Variants in RBFOX1 observed in about 807,000 individuals in gnomAD.
The protein encoded by RBFOX1 is RNA binding protein fox-1 homolog 1.
Under a neutral mutation model 57.7 loss-of-function variants are expected in RBFOX1, and 8 were observed. The ratio of observed to expected loss-of-function variants is 0.14; its 90% CI spans 0.08 to 0.25. The LOEUF (loss-of-function observed/expected upper bound fraction) is 0.25. RBFOX1 is among the 10% of genes least tolerant of loss of function. The pLI, the probability that RBFOX1 is intolerant of heterozygous loss-of-function variation, is 1.00. For synonymous variants in RBFOX1, 326 were observed against 222.4 expected (o/e 1.47, Z -4.15); for missense variants, 611 against 548.5 (o/e 1.11, Z -1.14).
chr16:6,654,545 A>G, intron 2 of RBFOX1, 58 bp from the exon 3 acceptor site: 1 of 1,347,318 alleles, frequency 7.4e-7, no homozygotes, highest in South Asian at 1.4e-5. Flanking sequence ...ATGTTCTCTG[A>G]CCATAAGTCT....
At chr16:7,026,678 T>A (rs979830644) in intron 3 of RBFOX1, among the ~76,000 whole-genome samples, 1 of 152,192 alleles carries the variant, frequency 6.6e-6, no homozygotes, top group African/African-American at 2.4e-5. Flanking sequence ...ACTGTCCCTG[T>A]ACCTCTCAGG....
At chr16:7,668,679 C>G (rs1341215179) in intron 13 of RBFOX1, among the ~76,000 whole-genome samples, 2 of 151,922 alleles carry the variant, frequency 1.3e-5, no homozygotes, top group Non-Finnish European at 2.9e-5. Context: ...CACACACACA[C>G]ACTTTTGTAT....
chr16:7,685,138 G>A lies in RBFOX1; in HGVS notation c.995+8300G>A, dbSNP rs1403396991. 1.3e-5 allele frequency among the ~76,000 whole-genome samples: 2 copies of A among 152,062 alleles called. 1 individual carries two copies. The highest frequency in any genetic ancestry group is 2.9e-5 in the Non-Finnish European group (2 of 67,970). On this transcript the variant is annotated intron_variant, in intron 14 of 15. Coordinates refer to ENST00000550418, the MANE Select transcript of RBFOX1 (RefSeq NM_018723.4). ...CAGAAGCTGCACTTCCCAGACTCCAGAATGACTAGTGAAGTTTGAGAAGCC... is the reference window on the plus strand; with the variant it reads ...CAGAAGCTGCACTTCCCAGACTCCAAAATGACTAGTGAAGTTTGAGAAGCC...
chr16:6,696,521 G>C (rs2154137812), intron 3 of RBFOX1, among the ~76,000 whole-genome samples: 1 of 152,242 alleles, frequency 6.6e-6, no homozygotes, highest in East Asian at 1.9e-4. Context: ...AGCCGAATTA[G>C]ATGGAGAACT....
At chr16:6,244,635 G>T (rs1344238871) in intron 1 of RBFOX1, among the ~76,000 whole-genome samples, 1 of 152,100 alleles carries the variant, frequency 6.6e-6, no homozygotes, top group Admixed American at 6.6e-5. Context: ...TCAGCCTCCC[G>T]AGTAGCTGGG....
At chr16:6,388,721 C>G (rs1567173816) in intron 2 of RBFOX1, among the ~76,000 whole-genome samples, 1 of 152,068 alleles carries the variant, frequency 6.6e-6, no homozygotes. Context: ...GCTTGGATGA[C>G]AGAGCGAGAT....
At chr16:5,853,084 A>G (rs954398618) in intron 3 of RBFOX1, among the ~76,000 whole-genome samples, 1 of 152,090 alleles carries the variant, frequency 6.6e-6, no homozygotes, top group African/African-American at 2.4e-5. Flanking sequence ...AAAAGAGACT[A>G]TGGATATTGG....
Position 5,370,906 on chromosome 16 carries a change from A to G in RBFOX1, c.220-96310A>G, listed in dbSNP as rs1440340192. 3.9e-5 allele frequency among the ~76,000 whole-genome samples: 6 copies of G among 152,318 alleles called. No individual in the cohort carries two copies. The South Asian group carries it at 8.3e-4, about 21-fold the overall frequency. On this transcript the variant is annotated intron_variant, in intron 1 of 2. Coordinates refer to the RBFOX1 transcript ENST00000585867. ...GTTTCCCTGTTGTTATGAACTGAGCAGTGTCCATTTCCCAAATTCACATGT... is the reference window on the plus strand; with the variant it reads ...GTTTCCCTGTTGTTATGAACTGAGCGGTGTCCATTTCCCAAATTCACATGT...
chr16:6,069,012 TA>T (rs1030072118), intron 1 of RBFOX1, among the ~76,000 whole-genome samples: 75 of 149,662 alleles, frequency 5.0e-4, no homozygotes, highest in African/African-American at 1.8e-3. Context: ...AACATATTTA[TA>T]AAAAAAAGAA....
intron 3 of RBFOX1, among the ~76,000 whole-genome samples, chr16:5,704,494 C>A (rs1400598160): frequency 6.6e-6 from 1 of 152,130 alleles, no homozygotes; most frequent in East Asian, 1.9e-4. Flanking sequence ...CAACCAGGCC[C>A]AGCTACTTTG....
chr16:6,554,274 A>G (rs576210986), intron 2 of RBFOX1, among the ~76,000 whole-genome samples: 5 of 152,256 alleles, frequency 3.3e-5, no homozygotes, highest in South Asian at 4.1e-4. Flanking sequence ...GAAATAAACA[A>G]TCTTCTTTCA....
chr16:6,600,120 C>A (rs1471787544), intron 2 of RBFOX1, among the ~76,000 whole-genome samples: 1 of 152,154 alleles, frequency 6.6e-6, no homozygotes, highest in Non-Finnish European at 1.5e-5. Context: ...TTTCTCACTT[C>A]CCTTACCAGA....
chr16:7,557,931 C>T (rs370699914), intron 5 of RBFOX1, among the ~76,000 whole-genome samples: 8 of 152,160 alleles, frequency 5.3e-5, no homozygotes, highest in East Asian at 1.9e-4. Flanking sequence ...AGAAGTGGAC[C>T]ATCACGCAGT....
chr16:6,095,714 A>G (rs1386170732), intron 1 of RBFOX1, among the ~76,000 whole-genome samples: 1 of 152,184 alleles, frequency 6.6e-6, no homozygotes, highest in East Asian at 1.9e-4. Context: ...AAAAAGAAAA[A>G]AAAAAAAAGA....
At chr16:6,518,067 A>G (rs1379504921) in intron 2 of RBFOX1, among the ~76,000 whole-genome samples, 1 of 151,920 alleles carries the variant, frequency 6.6e-6, no homozygotes, top group Admixed American at 6.6e-5. Context: ...CAAGTTGGAG[A>G]TTTTCCTTTT....
chr16:6,431,201 T>C (rs1206081551), intron 2 of RBFOX1, among the ~76,000 whole-genome samples: 3 of 151,904 alleles, frequency 2.0e-5, no homozygotes, highest in East Asian at 2.0e-4. Context: ...GTGATTGCAC[T>C]AAGTTAGGGG....
At chr16:6,483,306 C>T (rs2153100399) in intron 2 of RBFOX1, 1 of 1,404,364 alleles carries the variant, frequency 7.1e-7, no homozygotes, top group Non-Finnish European at 9.2e-7. Context: ...GCTCTCGCGC[C>T]CGCGCGCTCG....
chr16:6,752,957 G>A (rs750236352), intron 3 of RBFOX1, among the ~76,000 whole-genome samples: 1 of 151,914 alleles, frequency 6.6e-6, no homozygotes, highest in Non-Finnish European at 1.5e-5. Context: ...AATTGTACTT[G>A]GTTGCTATGG....
intron 3 of RBFOX1, among the ~76,000 whole-genome samples, chr16:6,803,838 C>A (rs1040252948): frequency 6.6e-6 from 1 of 152,012 alleles, no homozygotes; most frequent in Non-Finnish European, 1.5e-5. Flanking sequence ...CTAATTTTTT[C>A]CTAAAGAACT....
Sources: gnomAD v4.1 joint callset for allele counts (sites outside exome capture counted in the v4.1 genomes callset) on GRCh38, gnomAD v4.1.1 for gene constraint, MANE v1.5 for transcripts, NCBI Gene and HGNC (gene_info 2026-07-23, HGNC 2026-07-21) for gene names.